KCNK2: variants seen among roughly 807,000 people sequenced by gnomAD.
KCNK2 encodes the protein potassium two pore domain channel subfamily K member 2.
In KCNK2, 21 loss-of-function variants were observed where a neutral mutation model predicts 40.5. That is an observed-to-expected ratio of 0.52 (90% CI 0.37 to 0.75). The LOEUF is 0.75. KCNK2 is among the 30% of genes least tolerant of loss of function. The pLI, the probability that KCNK2 is intolerant of heterozygous loss-of-function variation, is 0.00. For synonymous variants in KCNK2, 191 were observed against 202.2 expected (o/e 0.94, Z 0.47); for missense variants, 399 against 531.6 (o/e 0.75, Z 2.45).
At chr1:215,225,583 G>C (rs2102705243) in intron 6 of KCNK2, among the ~76,000 whole-genome samples, 1 of 152,296 alleles carries the variant, frequency 6.6e-6, no homozygotes, top group Non-Finnish European at 1.5e-5. Context: ...GTTCCAGAAT[G>C]TTTTTGTACA....
intron 5 of KCNK2, among the ~76,000 whole-genome samples, chr1:215,177,059 T>C (rs1049236880): frequency 1.3e-5 from 2 of 152,198 alleles, no homozygotes; most frequent in African/African-American, 4.8e-5. Context: ...TAGCTCATTG[T>C]GGTTTTGATT....
chr1:215,194,947 C>T lies in KCNK2; in HGVS notation c.824-6C>T. The T allele has an allele frequency of 6.2e-7, 1 of 1,612,340 alleles. No homozygotes were observed. Among genetic ancestry groups the T allele is most frequent in the Non-Finnish European group, 8.5e-7 (1 of 1,178,872 alleles). On this transcript the variant is annotated splice_polypyrimidine_tract_variant and splice_region_variant and intron_variant, in intron 5 of 6. Transcript: ENST00000444842. ...GTTATTTTGTTTTACTTTGTTTTGTCTCCAGGTGGATCCGATATTGAATAT... is the reference window on the plus strand; with the variant it reads ...GTTATTTTGTTTTACTTTGTTTTGTTTCCAGGTGGATCCGATATTGAATAT...
intron 3 of KCNK2, among the ~76,000 whole-genome samples, chr1:215,140,381 C>G (rs541248651): frequency 1.3e-5 from 2 of 152,098 alleles, no homozygotes; most frequent in African/African-American, 2.4e-5. Context: ...TGTCACTTAT[C>G]GACAGTGACA....
chr1:215,135,198 A>G (rs1661848522), intron 3 of KCNK2, among the ~76,000 whole-genome samples: 1 of 152,162 alleles, frequency 6.6e-6, no homozygotes, highest in Non-Finnish European at 1.5e-5. Context: ...GTGATACAGT[A>G]CAAGGAACAT....
chr1:215,103,026 T>G (rs1235783887), intron 2 of KCNK2, among the ~76,000 whole-genome samples: 1 of 151,964 alleles, frequency 6.6e-6, no homozygotes, highest in African/African-American at 2.4e-5. Flanking sequence ...TGGAGAAATG[T>G]TTATGAAAGT....
chr1:215,103,889 A>G (rs140901909), intron 2 of KCNK2, among the ~76,000 whole-genome samples: 19 of 152,152 alleles, frequency 1.2e-4, no homozygotes, highest in African/African-American at 4.1e-4. Context: ...ATTCAGGATT[A>G]AATTGCTTCA....
intron 6 of KCNK2, among the ~76,000 whole-genome samples, chr1:215,229,775 T>C (rs1396162908): frequency 6.6e-6 from 1 of 152,076 alleles, no homozygotes; most frequent in African/African-American, 2.4e-5. Context: ...AGTCAATGTA[T>C]TGTTTTCAGT....
chr1:215,147,886 T>C (rs929345402), intron 3 of KCNK2, among the ~76,000 whole-genome samples: 1 of 152,070 alleles, frequency 6.6e-6, no homozygotes, highest in African/African-American at 2.4e-5. Context: ...GTCATTTCAC[T>C]CTGATTTCTA....
intron 2 of KCNK2, among the ~76,000 whole-genome samples, chr1:215,108,286 A>C (rs1660527162): frequency 6.6e-6 from 1 of 152,084 alleles, no homozygotes; most frequent in South Asian, 2.1e-4. Flanking sequence ...AGTAATCTAG[A>C]GATGATTTAA....
chr1:215,066,256 A>C (rs1395492652), intron 1 of KCNK2, among the ~76,000 whole-genome samples: 1 of 152,154 alleles, frequency 6.6e-6, no homozygotes, highest in African/African-American at 2.4e-5. Flanking sequence ...CCAGAACTTA[A>C]AGTACAATAA....
intron 3 of KCNK2, among the ~76,000 whole-genome samples, chr1:215,167,056 C>T (rs765061516): frequency 1.3e-5 from 2 of 151,972 alleles, no homozygotes; most frequent in Non-Finnish European, 2.9e-5. Context: ...ACGGAATTGA[C>T]TAACTGTTTG....
chr1:215,113,797 T>C (rs1229965741), intron 2 of KCNK2, among the ~76,000 whole-genome samples: 1 of 152,150 alleles, frequency 6.6e-6, no homozygotes, highest in Non-Finnish European at 1.5e-5. Context: ...GGTTTTCCCA[T>C]GTTGACCATG....
At chr1:215,036,716 TA>T (rs1161817707) in intron 1 of KCNK2, among the ~76,000 whole-genome samples, 26 of 151,902 alleles carry the variant, frequency 1.7e-4, no homozygotes, top group Non-Finnish European at 3.5e-4. Flanking sequence ...TGTTTTGTAG[TA>T]TTCAATGTAC....
Position 215,235,194 on chromosome 1 carries a change from A to G in KCNK2, c.*49A>G. On this transcript the variant is annotated 3_prime_UTR_variant, in exon 7 of 7. Coordinates refer to ENST00000444842, the MANE Select transcript of KCNK2 (RefSeq NM_001017425.3). Reference sequence around the variant, plus strand: ...CATAGCCATAGGTGAGGACTTCTCTATGCTCTTTATGACTGTTGCTGGTAG... The same window carrying G: ...CATAGCCATAGGTGAGGACTTCTCTGTGCTCTTTATGACTGTTGCTGGTAG... 4 of 1,470,448 alleles carry G rather than the reference A, an allele frequency of 2.7e-6. No individual in the cohort carries two copies. Among genetic ancestry groups the G allele is most frequent in the Non-Finnish European group, 3.7e-6 (4 of 1,075,206 alleles). 91.1% of individuals were successfully genotyped at this position (1,470,448 alleles called of 1,614,324 possible). A position where few individuals can be genotyped will look rare whatever the true frequency, so the allele number is the denominator to read the frequency against.
intron 6 of KCNK2, among the ~76,000 whole-genome samples, chr1:215,228,621 T>C (rs1043114918): frequency 2.0e-5 from 3 of 152,150 alleles, no homozygotes; most frequent in African/African-American, 7.2e-5. Context: ...CAGCTTGGTT[T>C]AGTAAGTAAT....
rs577308023 is a variant in KCNK2 at position 215,186,849 on chromosome 1, A to AT, written c.824-8101dup. Reference sequence around the variant, plus strand: ...GGCCACAGAATCTGTAGACACTTTTATTTGACATATGAGTAAGCAGACCCC... The same window carrying AT: ...GGCCACAGAATCTGTAGACACTTTTATTTTGACATATGAGTAAGCAGACCCC... On this transcript the variant is annotated intron_variant, in intron 5 of 6. Coordinates refer to ENST00000444842, the MANE Select transcript of KCNK2 (RefSeq NM_001017425.3). 2.1e-3 allele frequency among the ~76,000 whole-genome samples: 314 copies of AT among 152,350 alleles called. 1 individual carries two copies. The highest frequency in any genetic ancestry group is 7.2e-3 in the African/African-American group (299 of 41,584).
Position 215,235,289 on chromosome 1 carries a change from C to G in KCNK2, c.*144C>G. 2 of 639,336 alleles carry G rather than the reference C, an allele frequency of 3.1e-6. No individual in the cohort carries two copies. Among genetic ancestry groups the G allele is most frequent in the Non-Finnish European group, 5.2e-6 (2 of 386,028 alleles). 39.6% of individuals were successfully genotyped at this position (639,336 alleles called of 1,614,324 possible). On this transcript the variant is annotated 3_prime_UTR_variant, in exon 7 of 7. Coordinates refer to ENST00000444842, the MANE Select transcript of KCNK2 (RefSeq NM_001017425.3). Reference sequence around the variant, plus strand: ...TACACCCATCATGGTCATCTATCATCAAGAGAATTTGGAATTCTGAGCCAG... The same window carrying G: ...TACACCCATCATGGTCATCTATCATGAAGAGAATTTGGAATTCTGAGCCAG...
rs1226306724 is a variant in KCNK2 at position 215,181,696 on chromosome 1, A to AT, written c.823+9513_823+9514insT. 9.2e-5 allele frequency among the ~76,000 whole-genome samples: 14 copies of AT among 152,290 alleles called. No individual in the cohort carries two copies. The East Asian group carries it at 2.7e-3, about 29-fold the overall frequency. Reference sequence around the variant, plus strand: ...AGGTTTTATCTTGAGCTATGCTGTCAACTTATAAGCCAGTAGATGGCACTT... The same window carrying AT: ...AGGTTTTATCTTGAGCTATGCTGTCATACTTATAAGCCAGTAGATGGCACTT... On this transcript the variant is annotated intron_variant, in intron 5 of 6. Transcript: ENST00000444842.
chr1:215,153,006 A>G (rs1662748085), intron 3 of KCNK2, among the ~76,000 whole-genome samples: 1 of 152,214 alleles, frequency 6.6e-6, no homozygotes, highest in Non-Finnish European at 1.5e-5. Context: ...GGAACTTCCT[A>G]TTAGTCAAAT....
Sources: gnomAD v4.1 joint callset for allele counts (sites outside exome capture counted in the v4.1 genomes callset) on GRCh38, gnomAD v4.1.1 for gene constraint, MANE v1.5 for transcripts, NCBI Gene and HGNC (gene_info 2026-07-23, HGNC 2026-07-21) for gene names.